Variants in QKI observed in about 807,000 individuals in gnomAD.
The protein encoded by QKI is QKI, KH domain containing RNA binding, also known as KH domain-containing RNA-binding protein QKI.
In QKI, 10 loss-of-function variants were observed where a neutral mutation model predicts 39.0. The observed-to-expected ratio is 0.26, with a 90% CI of 0.16 to 0.43. QKI has a LOEUF of 0.43. QKI is among the 20% of genes least tolerant of loss of function. The probability of loss-of-function intolerance (pLI) is 1.00; values close to 1 mark genes in which losing one functional copy is unlikely to be tolerated. For synonymous variants in QKI, 204 were observed against 155.4 expected, an observed-to-expected ratio of 1.31 and a Z score of -2.33; for missense variants, 218 against 428.0, an observed-to-expected ratio of 0.51 and a Z score of 4.33.
At chr6:163,430,390 C>T (rs181351691) in intron 1 of QKI, among the ~76,000 whole-genome samples, 11 of 152,076 alleles carry the variant, frequency 7.2e-5, no homozygotes, top group Non-Finnish European at 1.3e-4. Flanking sequence ...TATCTTACTG[C>T]CTAACTTTTA....
At chr6:163,427,298 T>C (rs1248991033) in intron 1 of QKI, among the ~76,000 whole-genome samples, 1 of 149,012 alleles carries the variant, frequency 6.7e-6, no homozygotes, top group African/African-American at 2.5e-5. Flanking sequence ...TTGTTCTTGA[T>C]GGTGACATAC....
chr6:163,531,089 A>G (rs1780821668), intron 3 of QKI, among the ~76,000 whole-genome samples: 1 of 151,664 alleles, frequency 6.6e-6, no homozygotes, highest in Admixed American at 6.6e-5. Flanking sequence ...CTTCTATCAA[A>G]TTTTTCATCT....
chr6:163,466,528 A>G (rs1779396492), intron 2 of QKI, among the ~76,000 whole-genome samples: 1 of 152,198 alleles, frequency 6.6e-6, no homozygotes, highest in Non-Finnish European at 1.5e-5. Context: ...AAAAACAGAC[A>G]CATAGACCAA....
intron 6 of QKI, chr6:163,564,542 A>T: frequency 6.5e-7 from 1 of 1,542,156 alleles, no homozygotes; most frequent in Admixed American, 1.9e-5. Context: ...TTAAATAAAT[A>T]GCAAATCACT....
chr6:163,449,256 G>A lies in QKI; in HGVS notation c.143-6023G>A, dbSNP rs555063882. Among the ~76,000 whole-genome samples the A allele has an allele frequency of 7.4e-4, 112 of 152,180 alleles. 4 individuals are homozygous for A. In the South Asian group the frequency reaches 0.022, roughly 30 times the overall value. Reference sequence around the variant, plus strand: ...ATGTATTTTATGTATATCAAATTATGTATGTGTTTATATATACTTGTCGTT... The same window carrying A: ...ATGTATTTTATGTATATCAAATTATATATGTGTTTATATATACTTGTCGTT... On this transcript the variant is annotated intron_variant, in intron 1 of 7. Coordinates refer to ENST00000361752, the MANE Select transcript of QKI (RefSeq NM_006775.3).
intron 3 of QKI, among the ~76,000 whole-genome samples, chr6:163,520,598 A>G (rs899973458): frequency 1.3e-5 from 2 of 152,214 alleles, no homozygotes; most frequent in African/African-American, 4.8e-5. Context: ...TATTAGCTAC[A>G]AGGCTTTGCA....
chr6:163,530,891 T>C (rs1780807477), intron 3 of QKI, among the ~76,000 whole-genome samples: 2 of 152,200 alleles, frequency 1.3e-5, no homozygotes, highest in African/African-American at 2.4e-5. Flanking sequence ...TCCCTCAGTT[T>C]TGCGAAAAAT....
rs562553848 is a variant in QKI at position 163,450,907 on chromosome 6, T to A, written c.143-4372T>A. Among the ~76,000 whole-genome samples, 16 of 152,300 alleles carry A rather than the reference T, an allele frequency of 1.1e-4. 1 individual carries two copies. In the South Asian group the frequency reaches 3.3e-3, roughly 32 times the overall value. On this transcript the variant is annotated intron_variant, in intron 1 of 7. Transcript: ENST00000361752. ...TAAACTGGTGGCTCCAGAAGGAGGT[T>A]CTGGTCCCATTGTAGCTTGGGATTT...
At chr6:163,436,858 C>A (rs1336793669) in intron 1 of QKI, among the ~76,000 whole-genome samples, 2 of 146,760 alleles carry the variant, frequency 1.4e-5, no homozygotes, top group Non-Finnish European at 3.0e-5. Context: ...AAAGCAAGAA[C>A]CAGTAAATTG....
intron 1 of QKI, among the ~76,000 whole-genome samples, chr6:163,433,182 G>GAT (rs1457319350): frequency 2.6e-5 from 4 of 152,040 alleles, no homozygotes; most frequent in African/African-American, 7.2e-5. Flanking sequence ...AATGGCATAG[G>GAT]ATATATCATA....
At position 163,424,870 on chromosome 6, in the gene QKI, A is replaced by G. The variant is rs1230215743; in HGVS notation, c.142+9535A>G. On this transcript the variant is annotated intron_variant, in intron 1 of 7. Coordinates refer to ENST00000361752, the MANE Select transcript of QKI (RefSeq NM_006775.3). ...GGTCTCCAACTCCTGACCTCAGGTAATATGCCTGCCTCAGCCTCCCAAAGT... is the reference window on the plus strand; with the variant it reads ...GGTCTCCAACTCCTGACCTCAGGTAGTATGCCTGCCTCAGCCTCCCAAAGT... Among the ~76,000 whole-genome samples the G allele has an allele frequency of 2.6e-5, 4 of 152,110 alleles. No individual in the cohort carries two copies. The East Asian group carries it at 5.8e-4, about 22-fold the overall frequency.
chr6:163,424,993 G>A (rs1017845991), intron 1 of QKI, among the ~76,000 whole-genome samples: 5 of 152,094 alleles, frequency 3.3e-5, no homozygotes, highest in African/African-American at 1.2e-4. Flanking sequence ...AATTAAATAA[G>A]CAAAACAGCT....
chr6:163,422,477 C>T lies in QKI; in HGVS notation c.142+7142C>T, dbSNP rs146753757. ...ATGTGGTGGTGTGTGCCTGTAGTCC[C>T]AGCTACTTGGGACGCTAAGGAGCGA... On this transcript the variant is annotated intron_variant, in intron 1 of 7. Transcript: ENST00000361752. Among the ~76,000 whole-genome samples the T allele has an allele frequency of 1.2e-3, 177 of 152,280 alleles. 1 individual carries two copies. Among genetic ancestry groups the T allele is most frequent in the African/African-American group, 4.1e-3 (172 of 41,558 alleles).
chr6:163,509,266 AACAG>A (rs572671416), intron 3 of QKI, among the ~76,000 whole-genome samples: 18 of 152,222 alleles, frequency 1.2e-4, no homozygotes, highest in Non-Finnish European at 2.4e-4. Context: ...AATGAAAGAT[AACAG>A]ACAGAACTAA....
chr6:163,437,134 G>GATGTAGTTTAATTA (rs1483534445), intron 1 of QKI, among the ~76,000 whole-genome samples: 2 of 152,182 alleles, frequency 1.3e-5, no homozygotes, highest in Non-Finnish European at 2.9e-5. Context: ...TGAGAGAGAT[G>GATGTAGTTTAATTA]ATGTAGTTTA....
chr6:163,500,673 A>G (rs1013930093), intron 3 of QKI, among the ~76,000 whole-genome samples: 1 of 152,210 alleles, frequency 6.6e-6, no homozygotes, highest in African/African-American at 2.4e-5. Context: ...CAAATAATGC[A>G]TACACTTAGA....
chr6:163,568,889 T>G (rs1395031977), intron 7 of QKI: 6 of 985,728 alleles, frequency 6.1e-6, no homozygotes, highest in Non-Finnish European at 6.0e-6. Context: ...GTGACACACC[T>G]GTGTAGGAGG....
In QKI at chr6:163,415,335, G is replaced by A. The variant is rs1787352739; in HGVS notation, c.142G>A (p.Glu48Lys). ...FNHLERLLDEEISRVRKDMYN... is the reference protein window; with the variant it reads ...FNHLERLLDEKISRVRKDMYN... Reference sequence around the variant, plus strand: ...CCACCTCGAGCGGCTGCTGGACGAAGGTGAGCGTCTCCAGGGCCCCGGCCC... The same window carrying A: ...CCACCTCGAGCGGCTGCTGGACGAAAGTGAGCGTCTCCAGGGCCCCGGCCC... Residue 48 changes from glutamate to lysine, a missense_variant and splice_region_variant, in exon 1 of 8, where the codon GAA (glutamate) becomes AAA (lysine). By Grantham distance (56) the Glu-to-Lys change is moderately conservative. Coordinates refer to ENST00000361752, the MANE Select transcript of QKI (RefSeq NM_006775.3). 1 of 1,587,350 alleles carries A rather than the reference G, an allele frequency of 6.3e-7. No homozygotes were observed.
intron 4 of QKI, among the ~76,000 whole-genome samples, chr6:163,551,276 C>T (rs1307038967): frequency 6.6e-6 from 1 of 152,182 alleles, no homozygotes; most frequent in Non-Finnish European, 1.5e-5. Flanking sequence ...GCTGGGTGTC[C>T]TCCGATTTAA....
Sources: gnomAD v4.1 joint callset for allele counts (sites outside exome capture counted in the v4.1 genomes callset) on GRCh38, gnomAD v4.1.1 for gene constraint, MANE v1.5 for transcripts, NCBI Gene and HGNC (gene_info 2026-07-23, HGNC 2026-07-21) for gene names.